Variants in ABTB3 observed in about 807,000 individuals in gnomAD.
The protein encoded by ABTB3 is ankyrin repeat and BTB domain containing 3, also known as ankyrin repeat- and BTB/POZ domain-containing protein 3.
chr12:107,539,723 A>G, the ABTB3 span, among the ~76,000 whole-genome samples: 1 of 152,206 alleles, frequency 6.6e-6, no homozygotes, highest in Non-Finnish European at 1.5e-5. Flanking sequence ...ATTCAATGCC[A>G]AGTATGCCAG....
the ABTB3 span, among the ~76,000 whole-genome samples, chr12:107,436,942 G>A: frequency 9.9e-5 from 15 of 151,984 alleles, no homozygotes; most frequent in Admixed American, 5.9e-4. Flanking sequence ...CTTTCTCCCC[G>A]CTTCTGCATC....
the ABTB3 span, among the ~76,000 whole-genome samples, chr12:107,629,090 T>C: frequency 1.3e-5 from 2 of 152,178 alleles, no homozygotes; most frequent in African/African-American, 4.8e-5. Flanking sequence ...CAGGACTCCA[T>C]CTCAAGAGAG....
chr12:107,629,094 AAG>A, the ABTB3 span, among the ~76,000 whole-genome samples: 1 of 152,220 alleles, frequency 6.6e-6, no homozygotes, highest in African/African-American at 2.4e-5. Context: ...ACTCCATCTC[AAG>A]AGAGTTTCCT....
the ABTB3 span, among the ~76,000 whole-genome samples, chr12:107,429,809 G>A: frequency 6.6e-6 from 1 of 152,232 alleles, no homozygotes; most frequent in African/African-American, 2.4e-5. Flanking sequence ...TGCAATGTCT[G>A]ACATTGGTAT....
chr12:107,370,587 T>G, the ABTB3 span, among the ~76,000 whole-genome samples: 1 of 151,934 alleles, frequency 6.6e-6, no homozygotes, highest in East Asian at 1.9e-4. Flanking sequence ...AGACAAAGCA[T>G]GGTCTCTGGG....
At chr12:107,523,638 G>A in the ABTB3 span, among the ~76,000 whole-genome samples, 1 of 152,012 alleles carries the variant, frequency 6.6e-6, no homozygotes, top group Non-Finnish European at 1.5e-5. Context: ...CCATGATTTG[G>A]GTGTAATATG....
At chr12:107,561,489 A>G in the ABTB3 span, among the ~76,000 whole-genome samples, 8 of 152,226 alleles carry the variant, frequency 5.3e-5, no homozygotes, top group Non-Finnish European at 1.5e-5. Flanking sequence ...TCTAACAGAT[A>G]CACAAGTATA....
the ABTB3 span, among the ~76,000 whole-genome samples, chr12:107,491,649 CCT>C: frequency 2.0e-5 from 3 of 152,050 alleles, no homozygotes; most frequent in Non-Finnish European, 2.9e-5. Context: ...ATGATGAAAC[CCT>C]GTCTCTACTA....
At chr12:107,411,496 C>A in the ABTB3 span, among the ~76,000 whole-genome samples, 2 of 152,180 alleles carry the variant, frequency 1.3e-5, no homozygotes, top group Non-Finnish European at 2.9e-5. Flanking sequence ...TTAAACATTG[C>A]CAGAATTAAT....
At chr12:107,452,360 C>T in the ABTB3 span, among the ~76,000 whole-genome samples, 1 of 152,054 alleles carries the variant, frequency 6.6e-6, no homozygotes, top group Non-Finnish European at 1.5e-5. Context: ...GCGCCCACCA[C>T]CACGCCCGGC....
chr12:107,616,081 C>CT, the ABTB3 span, among the ~76,000 whole-genome samples: 4 of 152,132 alleles, frequency 2.6e-5, no homozygotes. Context: ...TGTGACATGT[C>CT]ACACTGAGAG....
the ABTB3 span, among the ~76,000 whole-genome samples, chr12:107,419,159 AG>A: frequency 9.2e-5 from 14 of 152,372 alleles, no homozygotes; most frequent in Admixed American, 9.1e-4. Context: ...ATGATGGGCC[AG>A]GGGGCCCATT....
the ABTB3 span, chr12:107,610,367 G>C: frequency 1.2e-6 from 2 of 1,613,624 alleles, no homozygotes; most frequent in South Asian, 1.1e-5. Flanking sequence ...TACAGGGTCC[G>C]AGGGTCTGAA....
At chr12:107,457,776 C>G in the ABTB3 span, among the ~76,000 whole-genome samples, 1 of 152,228 alleles carries the variant, frequency 6.6e-6, no homozygotes, top group Non-Finnish European at 1.5e-5. Flanking sequence ...TGTACCTTCC[C>G]ACTTGGCAGA....
the ABTB3 span, among the ~76,000 whole-genome samples, chr12:107,558,363 T>G: frequency 6.6e-6 from 1 of 152,222 alleles, no homozygotes; most frequent in African/African-American, 2.4e-5. Context: ...CAGCTTGGCA[T>G]CTGGCCCTGC....
chr12:107,618,471 A>C, the ABTB3 span: 3 of 1,065,794 alleles, frequency 2.8e-6, no homozygotes, highest in Non-Finnish European at 4.0e-6. Flanking sequence ...ACACATACAC[A>C]TGCAAAACAC....
At chr12:107,516,264 T>C in the ABTB3 span, among the ~76,000 whole-genome samples, 1 of 151,966 alleles carries the variant, frequency 6.6e-6, no homozygotes, top group Non-Finnish European at 1.5e-5. Context: ...AGAGTCTCAC[T>C]GTGTCACCCA....
chr12:107,332,792 G>T, the ABTB3 span, among the ~76,000 whole-genome samples: 1 of 152,284 alleles, frequency 6.6e-6, no homozygotes, highest in Admixed American at 6.5e-5. Flanking sequence ...GTTGTGACCC[G>T]CAGGAAGGCC....
the ABTB3 span, chr12:107,659,217 C>CATT: frequency 2.0e-5 from 3 of 152,218 alleles, no homozygotes; most frequent in Admixed American, 2.0e-4. Context: ...CTCCCTGAAC[C>CATT]ATTGTTCAGA....
Sources: allele counts gnomAD v4.1 joint callset (sites outside exome capture counted in the v4.1 genomes callset), GRCh38; gene constraint gnomAD v4.1.1; transcripts MANE v1.5; gene names NCBI Gene and HGNC (gene_info 2026-07-23, HGNC 2026-07-21).